Variants in DPP10 observed in about 807,000 individuals in gnomAD.
DPP10 encodes dipeptidyl peptidase like 10.
Under a neutral mutation model 120.9 loss-of-function variants are expected in DPP10, and 33 were observed. That is an observed-to-expected ratio of 0.27 (90% CI 0.21 to 0.37). The LOEUF is 0.37. DPP10 is among the 10% of genes least tolerant of loss of function. The pLI, the probability that DPP10 is intolerant of heterozygous loss-of-function variation, is 1.00. For missense variants in DPP10, 816 were observed against 942.8 expected (o/e 0.87, Z 1.76); for synonymous variants, 337 against 326.1 (o/e 1.03, Z -0.36).
chr2:114,610,521 C>G (rs1291735123), intron 1 of DPP10, among the ~76,000 whole-genome samples: 1 of 152,060 alleles, frequency 6.6e-6, no homozygotes, highest in African/African-American at 2.4e-5. Flanking sequence ...TCCTGCTCTT[C>G]TTTGTACAAA....
intron 1 of DPP10, among the ~76,000 whole-genome samples, chr2:114,694,599 C>A (rs965612208): frequency 2.6e-5 from 4 of 151,834 alleles, no homozygotes; most frequent in African/African-American, 9.7e-5. Flanking sequence ...TAACCATGTG[C>A]CAAATTCTGT....
chr2:115,560,495 T>A (rs1169190363), intron 5 of DPP10, among the ~76,000 whole-genome samples: 1 of 130,630 alleles, frequency 7.7e-6, no homozygotes, highest in Non-Finnish European at 1.6e-5. Context: ...GAAGTATATT[T>A]ACAATCTTCA....
chr2:114,771,602 G>C (rs1324360819), intron 1 of DPP10, among the ~76,000 whole-genome samples: 1 of 152,184 alleles, frequency 6.6e-6, no homozygotes, highest in Non-Finnish European at 1.5e-5. Flanking sequence ...TATCTTTAGT[G>C]ATAGCACCCA....
At chr2:114,555,003 C>G (rs989194777) in intron 1 of DPP10, among the ~76,000 whole-genome samples, 48 of 152,126 alleles carry the variant, frequency 3.2e-4, no homozygotes, top group African/African-American at 1.1e-3. Flanking sequence ...CATAATGGAC[C>G]TGGGCATCGA....
chr2:114,644,684 A>T (rs1201061477), intron 1 of DPP10, among the ~76,000 whole-genome samples: 1 of 151,842 alleles, frequency 6.6e-6, no homozygotes, highest in Non-Finnish European at 1.5e-5. Context: ...TAAGTTGGAG[A>T]ATGCTAGCCT....
At chr2:115,125,492 C>G (rs918342106) in intron 1 of DPP10, among the ~76,000 whole-genome samples, 2 of 151,316 alleles carry the variant, frequency 1.3e-5, no homozygotes, top group African/African-American at 4.9e-5. Context: ...AAATTAGAAG[C>G]CAATTATACC....
intron 3 of DPP10, among the ~76,000 whole-genome samples, chr2:115,397,232 G>A (rs2067747180): frequency 6.6e-6 from 1 of 152,168 alleles, no homozygotes; most frequent in Non-Finnish European, 1.5e-5. Flanking sequence ...TTTGAGTTGG[G>A]TGATGTAACC....
intron 1 of DPP10, among the ~76,000 whole-genome samples, chr2:115,180,896 C>T (rs371280912): frequency 9.6e-4 from 93 of 96,518 alleles, no homozygotes; most frequent in African/African-American, 3.7e-3. Flanking sequence ...GATGCTCTCT[C>T]CCTCCCTCCA....
At chr2:114,888,004 G>C (rs752113375) in intron 1 of DPP10, among the ~76,000 whole-genome samples, 2 of 151,982 alleles carry the variant, frequency 1.3e-5, no homozygotes, top group Admixed American at 6.6e-5. Flanking sequence ...TTAGCTGGGC[G>C]TGGTGGTGGG....
At chr2:115,044,616 A>T (rs564225156) in intron 1 of DPP10, among the ~76,000 whole-genome samples, 1 of 152,208 alleles carries the variant, frequency 6.6e-6, no homozygotes, top group African/African-American at 2.4e-5. Flanking sequence ...CACCTCCAGC[A>T]TTGGGGATTA....
intron 1 of DPP10, among the ~76,000 whole-genome samples, chr2:114,964,343 C>A (rs12466516): frequency 6.6e-6 from 1 of 151,802 alleles, no homozygotes; most frequent in East Asian, 1.9e-4. Flanking sequence ...AATCTTCTTC[C>A]TCTAGGGAGC....
chr2:115,639,845 G>C (rs1279947638), intron 5 of DPP10, among the ~76,000 whole-genome samples: 2 of 152,082 alleles, frequency 1.3e-5, no homozygotes, highest in Admixed American at 1.3e-4. Context: ...CAGAGTGACA[G>C]ATTCATGCTA....
At chr2:115,327,994 A>G (rs572507319) in intron 2 of DPP10, among the ~76,000 whole-genome samples, 3 of 152,048 alleles carry the variant, frequency 2.0e-5, no homozygotes, top group African/African-American at 7.2e-5. Flanking sequence ...TCTTCGTGTT[A>G]TTATGAATAC....
intron 1 of DPP10, among the ~76,000 whole-genome samples, chr2:114,870,958 G>T (rs1345149719): frequency 2.4e-5 from 3 of 125,324 alleles, no homozygotes; most frequent in African/African-American, 8.0e-5. Context: ...GGTCAGAGGT[G>T]TCAGTGACAT....
chr2:115,337,186 C>T (rs558391713), intron 2 of DPP10, among the ~76,000 whole-genome samples: 1 of 151,168 alleles, frequency 6.6e-6, no homozygotes, highest in African/African-American at 2.4e-5. Context: ...AATGCTGTGA[C>T]ATTTCTCTCT....
chr2:114,816,683 G>T (rs1311179096), intron 1 of DPP10, among the ~76,000 whole-genome samples: 2 of 152,070 alleles, frequency 1.3e-5, no homozygotes, highest in Non-Finnish European at 2.9e-5. Context: ...ATTCTAGTTC[G>T]AAGGGCAAGG....
chr2:115,344,982 G>A (rs2063638253), intron 3 of DPP10, among the ~76,000 whole-genome samples: 1 of 152,042 alleles, frequency 6.6e-6, no homozygotes, highest in East Asian at 1.9e-4. Flanking sequence ...TTAATTTATG[G>A]AAGCTATATA....
chr2:115,531,604 T>A (rs2078468165), intron 5 of DPP10, among the ~76,000 whole-genome samples: 1 of 152,116 alleles, frequency 6.6e-6, no homozygotes, highest in African/African-American at 2.4e-5. Flanking sequence ...GGTGGCATAG[T>A]GGGGTGTGCA....
chr2:114,695,512 A>G (rs535410480), intron 1 of DPP10, among the ~76,000 whole-genome samples: 1 of 152,104 alleles, frequency 6.6e-6, no homozygotes, highest in Non-Finnish European at 1.5e-5. Context: ...AATTATCAAG[A>G]GAAAAAATAT....
Sources: allele counts gnomAD v4.1 joint callset (sites outside exome capture counted in the v4.1 genomes callset), GRCh38; gene constraint gnomAD v4.1.1; transcripts MANE v1.5; gene names NCBI Gene and HGNC (gene_info 2026-07-23, HGNC 2026-07-21).